ASPH: variants seen among roughly 807,000 people sequenced by gnomAD.
ASPH encodes aspartyl/asparaginyl beta-hydroxylase.
Under a neutral mutation model 118.4 loss-of-function variants are expected in ASPH, and 100 were observed. That is an observed-to-expected ratio of 0.84 (90% CI 0.72 to 1.00). ASPH has a LOEUF of 1.00. ASPH is among the 50% of genes least tolerant of loss of function. The pLI is 0.00. For missense variants in ASPH, 920 were observed against 919.5 expected (o/e 1.00, Z -0.01); for synonymous variants, 315 against 325.6 (o/e 0.97, Z 0.35).
chr8:61,562,723 T>C, intron 18 of ASPH, 21 bp downstream of exon 18: 3 of 1,582,892 alleles, frequency 1.9e-6, no homozygotes, highest in Non-Finnish European at 2.6e-6. Context: ...TTGACGTAGT[T>C]AATACAAGAT....
chr8:61,539,699 G>GGGGTGTGTGTGTGTGT (rs1554618405), intron 21 of ASPH, among the ~76,000 whole-genome samples: 496 of 124,294 alleles, frequency 4.0e-3, no homozygotes, highest in African/African-American at 4.7e-3. Flanking sequence ...ACACTTCTGG[G>GGGGTGTGTGTGTGTGT]GTGTGTGTGT....
intron 14 of ASPH, among the ~76,000 whole-genome samples, chr8:61,591,611 G>A (rs1841162520): frequency 6.6e-6 from 1 of 152,156 alleles, no homozygotes; most frequent in Non-Finnish European, 1.5e-5. Context: ...AAAGCAGCTT[G>A]CTATTATGTT....
intron 10 of ASPH, among the ~76,000 whole-genome samples, chr8:61,640,875 T>C (rs535088575): frequency 6.4e-4 from 97 of 152,340 alleles, no homozygotes; most frequent in African/African-American, 2.2e-3. Flanking sequence ...GTTCCTACTA[T>C]AGTTCTATCG....
intron 14 of ASPH, among the ~76,000 whole-genome samples, chr8:61,603,780 A>G (rs1411957257): frequency 3.9e-5 from 6 of 152,236 alleles, no homozygotes; most frequent in Non-Finnish European, 7.3e-5. Context: ...AAGACTGAAA[A>G]TGATCATGCA....
chr8:61,517,281 C>A, intron 24 of ASPH: 1 of 439,288 alleles, frequency 2.3e-6, no homozygotes, highest in Non-Finnish European at 4.0e-6. Context: ...AACAAGGCAG[C>A]TCCTCAACTA....
chr8:61,508,737 G>A (rs773027541), intron 24 of ASPH, among the ~76,000 whole-genome samples: 1 of 152,208 alleles, frequency 6.6e-6, no homozygotes, highest in Non-Finnish European at 1.5e-5. Context: ...CCAACACATT[G>A]ACTTAAGACC....
chr8:61,545,329 G>C (rs1023403355), intron 21 of ASPH, among the ~76,000 whole-genome samples: 2 of 152,178 alleles, frequency 1.3e-5, no homozygotes, highest in African/African-American at 4.8e-5. Flanking sequence ...CACTGAATCT[G>C]CTAACACCTT....
chr8:61,561,679 T>C (rs1471613775), intron 18 of ASPH, among the ~76,000 whole-genome samples: 2 of 152,138 alleles, frequency 1.3e-5, no homozygotes, highest in Non-Finnish European at 2.9e-5. Context: ...TCCCAGCTAT[T>C]TGGGAGGCCT....
intron 3 of ASPH, chr8:61,661,612 G>T: frequency 4.8e-6 from 1 of 206,822 alleles, no homozygotes; most frequent in Non-Finnish European, 9.6e-6. Context: ...TCCATTTCAT[G>T]GACAGTAACA....
At chr8:61,638,480 T>G in intron 10 of ASPH, 117 bp from the exon 11 acceptor site, 1 of 893,446 alleles carries the variant, frequency 1.1e-6, no homozygotes, top group East Asian at 2.5e-5. Flanking sequence ...CAAGGTTCAG[T>G]CACTGGGAAA....
chr8:61,646,880 T>G lies in ASPH; in HGVS notation c.491-2A>C, dbSNP rs763027913. ...CTTGTTGCAAGTCTTCTCCCTCAAC[T>G]ATGACAATGAACAAAGTGACACTGG... is the stretch of plus-strand genomic sequence containing the variant. On this transcript the variant is annotated splice_acceptor_variant, in intron 5 of 24. Coordinates refer to ENST00000379454, the MANE Select transcript of ASPH (RefSeq NM_004318.4). LOFTEE classifies it high-confidence loss of function. The G allele has an allele frequency of 5.6e-6, 9 of 1,613,688 alleles. No homozygotes were observed. In the Admixed American group the frequency reaches 1.3e-4, roughly 24 times the overall value.
chr8:61,698,677 C>G (rs189681712), intron 1 of ASPH, among the ~76,000 whole-genome samples: 386 of 152,162 alleles, frequency 2.5e-3, no homozygotes, highest in Middle Eastern at 6.8e-3. Context: ...TTCCTGTGAC[C>G]GGCACCCATC....
At chr8:61,660,955 A>G (rs1349178675) in intron 3 of ASPH, 1 of 152,196 alleles carries the variant, frequency 6.6e-6, no homozygotes, top group Non-Finnish European at 1.5e-5. Context: ...GTTTTTCACA[A>G]TTAGGCTGGT....
intron 21 of ASPH, among the ~76,000 whole-genome samples, chr8:61,534,772 G>A (rs1200279004): frequency 6.6e-6 from 1 of 152,248 alleles, no homozygotes; most frequent in Non-Finnish European, 1.5e-5. Flanking sequence ...TGCTGAGGCA[G>A]TTAGTACACA....
At chr8:61,615,482 A>G (rs984790948) in intron 14 of ASPH, among the ~76,000 whole-genome samples, 1 of 152,244 alleles carries the variant, frequency 6.6e-6, no homozygotes, top group Non-Finnish European at 1.5e-5. Flanking sequence ...AAAAGCAAGT[A>G]CAATGAGAGC....
rs745483367 is a variant in ASPH at position 61,517,628 on chromosome 8, C to T, written c.2026G>A (p.Val676Met). Residue 676 changes from valine (V) to methionine (M), a missense_variant, in exon 24 of 25, where the codon GTG becomes ATG. Coordinates refer to ENST00000379454, the MANE Select transcript of ASPH (RefSeq NM_004318.4). Reference protein sequence around the residue: ...KYSIMHPGTHVWPHTGPTNCR... With the variant: ...KYSIMHPGTHMWPHTGPTNCR... ...TTTGTGGGCCCTGTGTGCGGCCACA[C>T]GTGAGTCCCGGGGTGCATGATGGAA... 40 of 1,613,950 alleles carry T rather than the reference C, an allele frequency of 2.5e-5. No homozygotes were observed. Among genetic ancestry groups the T allele is most frequent in the African/African-American group, 5.3e-5 (4 of 74,922 alleles).
intron 3 of ASPH, chr8:61,676,111 TC>T (rs753926908): frequency 7.5e-6 from 12 of 1,599,466 alleles, no homozygotes; most frequent in Admixed American, 5.0e-5. Context: ...CACAAGTCTT[TC>T]CCTGAACCCC....
chr8:61,588,424 T>C (rs1436407892), intron 14 of ASPH, among the ~76,000 whole-genome samples: 2 of 152,356 alleles, frequency 1.3e-5, no homozygotes, highest in East Asian at 1.9e-4. Flanking sequence ...ACTTAGTTCA[T>C]GGAAGATGTT....
intron 1 of ASPH, among the ~76,000 whole-genome samples, chr8:61,690,844 A>T (rs565674397): frequency 6.6e-6 from 1 of 152,350 alleles, no homozygotes; most frequent in South Asian, 2.1e-4. Context: ...AAGGATATGC[A>T]CATTTTTAAA....
Sources: allele counts gnomAD v4.1 joint callset (sites outside exome capture counted in the v4.1 genomes callset), GRCh38; gene constraint gnomAD v4.1.1; transcripts MANE v1.5; gene names NCBI Gene and HGNC (gene_info 2026-07-23, HGNC 2026-07-21).